Variants in CSMD1 observed in about 807,000 individuals in gnomAD.
CSMD1 encodes CUB and sushi domain-containing protein 1.
In CSMD1, 213 loss-of-function variants were observed where a neutral mutation model predicts 417.5. The ratio of observed to expected loss-of-function variants is 0.51; its 90% CI spans 0.46 to 0.57. CSMD1 has a LOEUF of 0.57. Ranked by LOEUF, CSMD1 falls within the 20% of genes least tolerant of loss-of-function variation. The pLI, the probability that CSMD1 is intolerant of heterozygous loss-of-function variation, is 0.00. For missense variants in CSMD1, 6,923 were observed against 4,529.7 expected, an observed-to-expected ratio of 1.53 and a Z score of -15.17; for synonymous variants, 2,862 against 1,736.8, an observed-to-expected ratio of 1.65 and a Z score of -16.11.
intron 3 of CSMD1, among the ~76,000 whole-genome samples, chr8:4,205,967 G>T (rs746974531): frequency 6.6e-6 from 1 of 151,988 alleles, no homozygotes; most frequent in Non-Finnish European, 1.5e-5. Flanking sequence ...TTTTTCACAC[G>T]TTTCCATTCT....
At position 3,443,253 on chromosome 8, in the gene CSMD1, A is replaced by T. The variant is rs546571267; in HGVS notation, c.1561+25459T>A. On this transcript the variant is annotated intron_variant, in intron 12 of 69. Transcript: ENST00000635120. ...AGCAAAGAACTGGAAAGAGCTCATC[A>T]ATAGATGGGTTGGAAGACTGATTGA... is the stretch of plus-strand genomic sequence containing the variant. 1.8e-4 allele frequency among the ~76,000 whole-genome samples: 27 copies of T among 152,284 alleles called. No homozygotes were observed. In the South Asian group the frequency reaches 5.2e-3, roughly 29 times the overall value.
intron 27 of CSMD1, among the ~76,000 whole-genome samples, chr8:3,227,706 C>T (rs1046403995): frequency 1.3e-5 from 2 of 151,442 alleles, no homozygotes; most frequent in Non-Finnish European, 2.9e-5. Flanking sequence ...ACACCATGTA[C>T]TGGTAAGTAA....
chr8:3,668,063 G>C (rs1350947890), intron 7 of CSMD1, among the ~76,000 whole-genome samples: 1 of 152,178 alleles, frequency 6.6e-6, no homozygotes, highest in Non-Finnish European at 1.5e-5. Flanking sequence ...GCCTTGCTCA[G>C]TCTCAATCAG....
chr8:3,179,160 C>T (rs2612619), intron 37 of CSMD1, among the ~76,000 whole-genome samples: 88,661 of 142,204 alleles, frequency 0.62, 27,374 homozygotes, highest in African/African-American at 0.77. Context: ...TTAGCCAGGA[C>T]TGTCTCGATC....
chr8:4,837,395 G>A (rs565086819), intron 1 of CSMD1, among the ~76,000 whole-genome samples: 19 of 152,146 alleles, frequency 1.2e-4, no homozygotes, highest in Non-Finnish European at 2.6e-4. Flanking sequence ...TAGACACCAT[G>A]GAGTACTATT....
At chr8:3,546,484 C>A (rs1394818590) in intron 10 of CSMD1, among the ~76,000 whole-genome samples, 2 of 150,834 alleles carry the variant, frequency 1.3e-5, no homozygotes, top group African/African-American at 4.9e-5. Context: ...TGTGGTGAGT[C>A]AAGATCCTGC....
At chr8:4,273,131 G>T (rs534544891) in intron 3 of CSMD1, among the ~76,000 whole-genome samples, 1 of 151,766 alleles carries the variant, frequency 6.6e-6, no homozygotes, top group Non-Finnish European at 1.5e-5. Flanking sequence ...AATGATAGAG[G>T]GAAAATTACC....
intron 21 of CSMD1, among the ~76,000 whole-genome samples, chr8:3,356,436 G>A (rs1464353182): frequency 1.3e-5 from 2 of 152,174 alleles, no homozygotes; most frequent in Non-Finnish European, 2.9e-5. Flanking sequence ...CAGCACTTTG[G>A]GAGGCCAAGG....
intron 5 of CSMD1, among the ~76,000 whole-genome samples, chr8:3,988,171 T>C (rs1814479229): frequency 6.6e-6 from 1 of 152,232 alleles, no homozygotes; most frequent in African/African-American, 2.4e-5. Context: ...GAAAACTAAA[T>C]CAGAGTCTCT....
At chr8:3,969,491 T>C (rs1020250706) in intron 5 of CSMD1, among the ~76,000 whole-genome samples, 7 of 152,296 alleles carry the variant, frequency 4.6e-5, no homozygotes, top group South Asian at 2.1e-4. Context: ...GTGTTTTTTT[T>C]CCCCTTTCCC....
intron 12 of CSMD1, among the ~76,000 whole-genome samples, chr8:3,452,183 C>T (rs1284572379): frequency 6.6e-6 from 1 of 152,174 alleles, no homozygotes; most frequent in African/African-American, 2.4e-5. Flanking sequence ...TGAGACTTTG[C>T]TAAAGTTGCT....
chr8:4,710,742 G>A (rs559837572), intron 1 of CSMD1, among the ~76,000 whole-genome samples: 2 of 151,754 alleles, frequency 1.3e-5, no homozygotes, highest in Admixed American at 6.6e-5. Flanking sequence ...CTACTTGGGA[G>A]TCTGAGGCAG....
chr8:4,429,636 G>A (rs182942990), intron 2 of CSMD1, among the ~76,000 whole-genome samples: 1 of 152,226 alleles, frequency 6.6e-6, no homozygotes, highest in Admixed American at 6.5e-5. Context: ...AGAAACGAAT[G>A]CACAGAGGAG....
intron 7 of CSMD1, among the ~76,000 whole-genome samples, chr8:3,650,323 G>A (rs971925654): frequency 6.6e-6 from 1 of 152,006 alleles, no homozygotes; most frequent in Non-Finnish European, 1.5e-5. Flanking sequence ...GAATGATTGA[G>A]TTTCAAGTTG....
At chr8:4,169,768 G>A (rs920646982) in intron 3 of CSMD1, among the ~76,000 whole-genome samples, 3 of 152,126 alleles carry the variant, frequency 2.0e-5, no homozygotes, top group East Asian at 1.9e-4. Flanking sequence ...CTATTCATGG[G>A]ATGCTTCTTT....
intron 12 of CSMD1, among the ~76,000 whole-genome samples, chr8:3,464,148 T>C (rs1296681762): frequency 6.6e-6 from 1 of 152,170 alleles, no homozygotes; most frequent in East Asian, 1.9e-4. Context: ...TACGGCAAAT[T>C]ACATGAAACA....
chr8:3,830,354 G>A (rs1192211324), intron 5 of CSMD1, among the ~76,000 whole-genome samples: 1 of 152,190 alleles, frequency 6.6e-6, no homozygotes, highest in Admixed American at 6.5e-5. Context: ...TCACATCTCT[G>A]CTCAGAGGTT....
intron 39 of CSMD1, among the ~76,000 whole-genome samples, chr8:3,153,471 G>C (rs529855644): frequency 6.6e-6 from 1 of 152,050 alleles, no homozygotes; most frequent in African/African-American, 2.4e-5. Flanking sequence ...CCTCTCCTGG[G>C]GTGTGGATCA....
intron 5 of CSMD1, among the ~76,000 whole-genome samples, chr8:3,873,034 A>T (rs951628348): frequency 1.3e-5 from 2 of 152,176 alleles, no homozygotes; most frequent in Non-Finnish European, 2.9e-5. Context: ...AATTGTTGTT[A>T]TTAAAAAATC....
Sources: allele counts gnomAD v4.1 joint callset (sites outside exome capture counted in the v4.1 genomes callset), GRCh38; gene constraint gnomAD v4.1.1; transcripts MANE v1.5; gene names NCBI Gene and HGNC (gene_info 2026-07-23, HGNC 2026-07-21).